The following KCNAB1 variants were observed in gnomAD, a reference collection of about 807,000 sequenced individuals.
KCNAB1 encodes the protein potassium voltage-gated channel subfamily A regulatory beta subunit 1.
Under a neutral mutation model 64.6 loss-of-function variants are expected in KCNAB1, and 35 were observed. The ratio of observed to expected loss-of-function variants is 0.54; its 90% CI spans 0.41 to 0.72. The LOEUF (loss-of-function observed/expected upper bound fraction) is 0.72. Among genes scored for constraint, KCNAB1 ranks in the 30% least tolerant of loss-of-function variants. KCNAB1 has a pLI of 0.00. For missense variants in KCNAB1, 401 were observed against 512.9 expected, an observed-to-expected ratio of 0.78 and a Z score of 2.11; for synonymous variants, 177 against 183.8, an observed-to-expected ratio of 0.96 and a Z score of 0.30.
At chr3:156,505,283 A>G (rs751397233) in intron 8 of KCNAB1, among the ~76,000 whole-genome samples, 5 of 152,152 alleles carry the variant, frequency 3.3e-5, no homozygotes, top group Non-Finnish European at 7.4e-5. Context: ...TGCCAGTATC[A>G]CACTATTTTA....
intron 1 of KCNAB1, among the ~76,000 whole-genome samples, chr3:156,159,704 T>C (rs77831126): frequency 0.013 from 1,986 of 152,294 alleles, 41 homozygotes; most frequent in African/African-American, 0.033. Flanking sequence ...TAACTAATTT[T>C]ACAAGTAAGT....
At chr3:156,163,157 G>A (rs375651837) in intron 1 of KCNAB1, among the ~76,000 whole-genome samples, 14 of 152,076 alleles carry the variant, frequency 9.2e-5, no homozygotes, top group East Asian at 5.8e-4. Flanking sequence ...ATTCAGTTTC[G>A]TCAGTGGCAT....
rs147041013 is a variant in KCNAB1 at position 156,147,623 on chromosome 3, G to T, written c.275+26737G>T. On this transcript the variant is annotated intron_variant, in intron 1 of 13. Transcript: ENST00000490337. The stretch of plus-strand genomic sequence containing the variant: ...GTTTCTAGAAAAATAAGTGTTATTT[G>T]CCAATCAAGGATAAAATTTTCTAAA... Among the ~76,000 whole-genome samples the T allele has an allele frequency of 6.7e-3, 1,020 of 152,118 alleles. 8 individuals carry two copies. The highest frequency in any genetic ancestry group is 0.022 in the African/African-American group (931 of 41,484).
chr3:156,414,898 G>T (rs946315811), intron 1 of KCNAB1, among the ~76,000 whole-genome samples: 2 of 152,114 alleles, frequency 1.3e-5, no homozygotes, highest in African/African-American at 4.8e-5. Context: ...TTATGTCACA[G>T]CTCCATTTTC....
intron 1 of KCNAB1, among the ~76,000 whole-genome samples, chr3:156,279,498 G>A (rs1480059048): frequency 6.6e-6 from 1 of 152,046 alleles, no homozygotes; most frequent in Non-Finnish European, 1.5e-5. Context: ...GGGATGGCTG[G>A]GTCAAATGGT....
intron 2 of KCNAB1, among the ~76,000 whole-genome samples, chr3:156,433,505 A>G (rs906585200): frequency 6.6e-6 from 1 of 152,196 alleles, no homozygotes; most frequent in Non-Finnish European, 1.5e-5. Context: ...AAGAGTAGTA[A>G]AGGATAGATT....
rs756195005 is a variant in KCNAB1 at position 156,516,278 on chromosome 3, G to A, written c.874G>A (p.Ala292Thr). 24 of 1,613,066 alleles carry A rather than the reference G, an allele frequency of 1.5e-5. No homozygotes were observed. Among genetic ancestry groups the A allele is most frequent in the East Asian group, 2.2e-5 (1 of 44,894 alleles). The change falls in exon 11 of 14, where the codon GCA (alanine) becomes ACA (threonine). Residue 292 changes from alanine to threonine, a missense_variant. Coordinates refer to ENST00000490337, the MANE Select transcript of KCNAB1 (RefSeq NM_172160.3). ...PELYHKIGVG[A>T]MTWSPLACGI... ...AGTTTTTTCTTCTGTAGGTGTTGGC[G>A]CAATGACATGGTCTCCACTTGCCTG... is the stretch of plus-strand genomic sequence containing the variant.
intron 1 of KCNAB1, among the ~76,000 whole-genome samples, chr3:156,251,378 G>C (rs1014525461): frequency 6.6e-6 from 1 of 152,164 alleles, no homozygotes; most frequent in Non-Finnish European, 1.5e-5. Context: ...GAAGGATTCA[G>C]GGTAGGGTGA....
At chr3:156,383,922 T>TG (rs1317502586) in intron 1 of KCNAB1, among the ~76,000 whole-genome samples, 2 of 152,164 alleles carry the variant, frequency 1.3e-5, no homozygotes, top group African/African-American at 4.8e-5. Context: ...GATGCTACAG[T>TG]CTGTCACCAT....
chr3:156,184,039 T>C (rs1323376213), intron 1 of KCNAB1, among the ~76,000 whole-genome samples: 5 of 152,236 alleles, frequency 3.3e-5, no homozygotes, highest in Non-Finnish European at 7.3e-5. Flanking sequence ...ATAACGACCA[T>C]AGAGCAAATT....
intron 1 of KCNAB1, among the ~76,000 whole-genome samples, chr3:156,393,648 C>A (rs1485705651): frequency 1.3e-5 from 2 of 152,190 alleles, no homozygotes; most frequent in African/African-American, 4.8e-5. Context: ...TCAGTGAACA[C>A]ATACTCTGTG....
At chr3:156,145,379 A>T (rs139950030) in intron 1 of KCNAB1, among the ~76,000 whole-genome samples, 1,678 of 152,224 alleles carry the variant, frequency 0.011, 10 homozygotes, top group Middle Eastern at 0.024. Context: ...TCCCTTTAAG[A>T]CACTCGCTTA....
In KCNAB1 at chr3:156,208,857, A is replaced by G. The variant is rs77824242; in HGVS notation, c.275+87971A>G. On this transcript the variant is annotated intron_variant, in intron 1 of 13. Transcript: ENST00000490337. ...AGTGAAACCTCACTCATTCATACCT[A>G]TTGGAAGTGGCCATCAGGCTTAATG... is the stretch of plus-strand genomic sequence containing the variant. Among the ~76,000 whole-genome samples the G allele has an allele frequency of 5.8e-3, 876 of 152,288 alleles. 8 individuals carry two copies. Among genetic ancestry groups the G allele is most frequent in the South Asian group, 0.017 (84 of 4,826 alleles).
chr3:156,403,933 G>T (rs1322952733), intron 1 of KCNAB1, among the ~76,000 whole-genome samples: 1 of 150,628 alleles, frequency 6.6e-6, no homozygotes, highest in African/African-American at 2.4e-5. Context: ...ATGCATAATT[G>T]TGTACCAAAC....
intron 1 of KCNAB1, among the ~76,000 whole-genome samples, chr3:156,173,282 G>A (rs546269867): frequency 6.6e-6 from 1 of 152,268 alleles, no homozygotes; most frequent in African/African-American, 2.4e-5. Flanking sequence ...CCATTATCAA[G>A]ATGGCCAGTG....
intron 1 of KCNAB1, among the ~76,000 whole-genome samples, chr3:156,191,121 A>G (rs1213902335): frequency 6.6e-6 from 1 of 152,282 alleles, no homozygotes; most frequent in African/African-American, 2.4e-5. Context: ...CACATGTAGA[A>G]ATAAACAAAT....
intron 1 of KCNAB1, among the ~76,000 whole-genome samples, chr3:156,333,215 G>A (rs1723458714): frequency 6.6e-6 from 1 of 152,070 alleles, no homozygotes; most frequent in African/African-American, 2.4e-5. Context: ...TCACAAGTAA[G>A]TTTCCCCCTT....
chr3:156,466,366 A>T (rs964631195), intron 7 of KCNAB1, among the ~76,000 whole-genome samples: 1 of 152,130 alleles, frequency 6.6e-6, no homozygotes. Flanking sequence ...TTGTTTATCC[A>T]TTTATCAGTT....
intron 8 of KCNAB1, among the ~76,000 whole-genome samples, chr3:156,500,563 C>T (rs961116362): frequency 6.6e-6 from 1 of 152,086 alleles, no homozygotes; most frequent in Admixed American, 6.5e-5. Flanking sequence ...TATCTTTAGA[C>T]ATTTTTATAT....
Sources: gnomAD v4.1 joint callset for allele counts (sites outside exome capture counted in the v4.1 genomes callset) on GRCh38, gnomAD v4.1.1 for gene constraint, MANE v1.5 for transcripts, NCBI Gene and HGNC (gene_info 2026-07-23, HGNC 2026-07-21) for gene names.